The following FAM219A variants were observed in gnomAD, a reference collection of about 807,000 sequenced individuals.
FAM219A encodes the protein protein FAM219A.
In FAM219A, 7 loss-of-function variants were observed where a neutral mutation model predicts 23.4. That is an observed-to-expected ratio of 0.30 (90% confidence interval 0.17 to 0.56). FAM219A has a LOEUF of 0.56. Among genes scored for constraint, FAM219A ranks in the 20% least tolerant of loss-of-function variants. The pLI is 0.92. For missense variants in FAM219A, 166 were observed against 246.9 expected (o/e 0.67, Z 2.20); for synonymous variants, 93 against 99.0 (o/e 0.94, Z 0.36).
At chr9:34,434,492 C>T (rs1822832195) in intron 1 of FAM219A, among the ~76,000 whole-genome samples, 1 of 151,950 alleles carries the variant, frequency 6.6e-6, no homozygotes, top group Admixed American at 6.5e-5. Context: ...AATCTGAAGC[C>T]CTATAAAGCT....
intron 1 of FAM219A, among the ~76,000 whole-genome samples, chr9:34,441,439 G>A (rs1014203479): frequency 1.3e-5 from 2 of 152,210 alleles, no homozygotes; most frequent in Non-Finnish European, 2.9e-5. Context: ...TCTCAGAGAA[G>A]CACAGGGCTT....
chr9:34,418,957 C>T (rs62559876), intron 1 of FAM219A, among the ~76,000 whole-genome samples: 18,891 of 151,832 alleles, frequency 0.12, 1,205 homozygotes, highest in Non-Finnish European at 0.14. Flanking sequence ...CACCTGTTAC[C>T]CCAACTACTC....
chr9:34,452,620 ATCT>A (rs1823597956), intron 1 of FAM219A, among the ~76,000 whole-genome samples: 1 of 152,124 alleles, frequency 6.6e-6, no homozygotes, highest in South Asian at 2.1e-4. Context: ...TTCCAATCTC[ATCT>A]TCTCCAATCT....
intron 1 of FAM219A, among the ~76,000 whole-genome samples, chr9:34,415,665 T>C (rs747822863): frequency 1.3e-5 from 2 of 152,232 alleles, no homozygotes; most frequent in Non-Finnish European, 2.9e-5. Context: ...TTCATGGTCA[T>C]AGGAGTGAGC....
At chr9:34,429,705 C>A (rs1339446204) in intron 1 of FAM219A, among the ~76,000 whole-genome samples, 1 of 152,096 alleles carries the variant, frequency 6.6e-6, no homozygotes, top group Non-Finnish European at 1.5e-5. Context: ...TTTCTGCTTC[C>A]ATTTGCTACA....
Position 34,458,144 on chromosome 9 carries a change from T to C in FAM219A, c.60+60A>G. On this transcript the variant is annotated intron_variant, in intron 1 of 5. Coordinates refer to ENST00000651358, the MANE Select transcript of FAM219A (RefSeq NM_001184940.2). This position sits in a 1 kb window ranked among gnomAD's most constrained non-coding sequence, Gnocchi z 6.6. ...GCACGATCCCCCCGGCCTGATTCCC[T>C]CCCTCCCCCTCAAGCGACGCCCCCT... is the stretch of plus-strand genomic sequence containing the variant. 2.5e-5 allele frequency: 32 copies of C among 1,272,592 alleles called. No individual in the cohort carries two copies. In the Admixed American group the frequency reaches 2.9e-4, roughly 12 times the overall value. The allele number at this position is 1,272,592 out of a possible 1,614,324, so 78.8% of individuals were successfully genotyped here.
At chr9:34,437,956 G>C (rs1332315782) in intron 1 of FAM219A, among the ~76,000 whole-genome samples, 1 of 151,766 alleles carries the variant, frequency 6.6e-6, no homozygotes, top group Non-Finnish European at 1.5e-5. Flanking sequence ...CGGGCTGCGC[G>C]TGGCGCTTGC....
intron 1 of FAM219A, among the ~76,000 whole-genome samples, chr9:34,421,830 A>G (rs1822296069): frequency 6.6e-6 from 1 of 152,152 alleles, no homozygotes; most frequent in African/African-American, 2.4e-5. Flanking sequence ...GTGCATAGAA[A>G]TCATCTGGGC....
intron 1 of FAM219A, among the ~76,000 whole-genome samples, chr9:34,437,946 C>T (rs1822985462): frequency 6.6e-6 from 1 of 152,206 alleles, no homozygotes; most frequent in Admixed American, 6.5e-5. Context: ...AGCGGGAACC[C>T]GGGCTGCGCG....
chr9:34,405,894 T>C lies in FAM219A; in HGVS notation c.131A>G (p.Tyr44Cys). 6.2e-7 allele frequency: 1 copy of C among 1,614,024 alleles called. No individual in the cohort carries two copies. The change falls in exon 2 of 6, where the codon TAC becomes TGC. Residue 44 changes from tyrosine to cysteine, a missense_variant. Transcript: ENST00000651358. Reference protein sequence around the residue: ...AREGESVAMNYKPSPLQVKLE... With the variant: ...AREGESVAMNCKPSPLQVKLE... ...CTTCACTTGGAGCGGGGATGGTTTG[T>C]AATTCATGGCTACTGACTCACCCTC... is the stretch of plus-strand genomic sequence containing the variant.
intron 4 of FAM219A, chr9:34,402,103 C>G: frequency 7.2e-7 from 1 of 1,380,028 alleles, no homozygotes; most frequent in African/African-American, 1.5e-5. Flanking sequence ...TCATATTCTG[C>G]TGTCCAGAGA....
chr9:34,419,397 G>C (rs1588045952), intron 1 of FAM219A, among the ~76,000 whole-genome samples: 2 of 152,114 alleles, frequency 1.3e-5, no homozygotes, highest in South Asian at 4.2e-4. Flanking sequence ...CCCTTAGACA[G>C]GGCCCAGAGG....
rs770663884 is a variant in FAM219A, at chr9:34,398,584, TG to T, written c.*2379del. 167 of 574,052 alleles carry T rather than the reference TG, an allele frequency of 2.9e-4. 2 individuals carry two copies. Among genetic ancestry groups the T allele is most frequent in the South Asian group, 2.8e-3 (129 of 46,432 alleles). The allele number at this position is 574,052 out of a possible 1,614,324, so 35.6% of individuals were successfully genotyped here. A position where few individuals can be genotyped will look rare whatever the true frequency, so the allele number is the denominator to read the frequency against. ...CCTGCCAGGGAACTAGTATGTCCTG[TG>T]GGGGGGGAGATTTTCCCTGGTGTCT... On this transcript the variant is annotated 3_prime_UTR_variant, in exon 6 of 6. Coordinates refer to ENST00000651358, the MANE Select transcript of FAM219A (RefSeq NM_001184940.2).
chr9:34,410,332 G>A (rs1288129118), intron 1 of FAM219A, among the ~76,000 whole-genome samples: 1 of 152,138 alleles, frequency 6.6e-6, no homozygotes, highest in African/African-American at 2.4e-5. Flanking sequence ...TCCCAAATAA[G>A]CAGGATAAAA....
rs1431279649 is a variant in FAM219A, at chr9:34,400,864, G to A, written c.*100C>T. 1.5e-5 allele frequency: 19 copies of A among 1,282,980 alleles called. No individual in the cohort carries two copies. Among genetic ancestry groups the A allele is most frequent in the Admixed American group, 3.2e-5 (1 of 31,194 alleles). The allele number at this position is 1,282,980 out of a possible 1,614,324, so 79.5% of individuals were successfully genotyped here. On this transcript the variant is annotated 3_prime_UTR_variant, in exon 6 of 6. Coordinates refer to ENST00000651358, the MANE Select transcript of FAM219A (RefSeq NM_001184940.2). ...ACGAGGTTGGCGGCTGTAGGGGCGC[G>A]GGGCCGGGGGCAGGCAGACGAGCTG...
intron 1 of FAM219A, among the ~76,000 whole-genome samples, chr9:34,409,361 T>C (rs1821746602): frequency 6.6e-6 from 1 of 152,206 alleles, no homozygotes. Flanking sequence ...TATTCATGAA[T>C]GTAAGTATCA....
intron 1 of FAM219A, among the ~76,000 whole-genome samples, chr9:34,423,844 G>A (rs191184411): frequency 1.2e-4 from 18 of 152,292 alleles, no homozygotes; most frequent in Admixed American, 1.0e-3. Context: ...CTGGGTTTGA[G>A]GGAAAAGACT....
At chr9:34,415,191 ACAC>A (rs1821957687) in intron 1 of FAM219A, among the ~76,000 whole-genome samples, 1 of 151,774 alleles carries the variant, frequency 6.6e-6, no homozygotes, top group Non-Finnish European at 1.5e-5. Flanking sequence ...TTCTTTCCAC[ACAC>A]CACACTTCTG....
chr9:34,457,998 C>T lies in FAM219A; in HGVS notation c.60+206G>A, dbSNP rs555080966. Among the ~76,000 whole-genome samples, 2 of 152,352 alleles carry T rather than the reference C, an allele frequency of 1.3e-5. No individual in the cohort carries two copies. Among genetic ancestry groups the T allele is most frequent in the African/African-American group, 4.8e-5 (2 of 41,580 alleles). ...TGCTTCCACCGACGGTGCCCTCCGC[C>T]CTTACAGGTCCCTTTGCTCTCATCC... On this transcript the variant is annotated intron_variant, in intron 1 of 5. Transcript: ENST00000651358. The surrounding 1 kb of genome is among the most constrained non-coding windows in gnomAD (Gnocchi z 5.1).
Sources: allele counts gnomAD v4.1 joint callset (sites outside exome capture counted in the v4.1 genomes callset), GRCh38; gene constraint gnomAD v4.1.1; non-coding constraint Gnocchi (gnomAD v3.1); transcripts MANE v1.5; gene names NCBI Gene and HGNC (gene_info 2026-07-23, HGNC 2026-07-21).